Variants in ANKRD40CL observed in about 807,000 individuals in gnomAD.
ANKRD40CL encodes the protein putative ANKRD40 C-terminal-like protein.
For missense variants in ANKRD40CL, 11 were observed against 6.4 expected (o/e 1.71, Z -0.77); for synonymous variants, 5 against 2.3 (o/e 2.14, Z -1.04).
At chr17:50,766,656 A>G (rs1346994031) in intron 2 of ANKRD40CL, 3 of 479,650 alleles carry the variant, frequency 6.3e-6, no homozygotes, top group Non-Finnish European at 1.1e-5. Flanking sequence ...GAGCACCAGT[A>G]ATTGCTGGCT....
intron 1 of ANKRD40CL, 119 bp from the exon 2 acceptor site, chr17:50,767,130 C>T (rs1278799710): frequency 1.5e-6 from 1 of 681,594 alleles, no homozygotes; most frequent in Non-Finnish European, 2.7e-6. Context: ...AGGGTGAGGC[C>T]AGTGAAGGAA....
chr17:50,765,339 T>C (rs928947349), intron 2 of ANKRD40CL, among the ~76,000 whole-genome samples: 2 of 152,222 alleles, frequency 1.3e-5, no homozygotes, highest in Non-Finnish European at 2.9e-5. Flanking sequence ...TTAGTCTAGA[T>C]GAAAGGTTTT....
intron 2 of ANKRD40CL, chr17:50,764,286 G>T: frequency 5.0e-6 from 2 of 398,586 alleles, no homozygotes; most frequent in South Asian, 2.5e-4. Flanking sequence ...AGCAGTACCT[G>T]ACCAGTTGGC....
intron 1 of ANKRD40CL, chr17:50,767,215 C>G (rs1221195049): frequency 5.0e-6 from 3 of 594,122 alleles, no homozygotes; most frequent in Non-Finnish European, 9.5e-6. Context: ...GTAGTACTCA[C>G]CCGAGGGAAT....
chr17:50,765,705 A>G (rs1416387848), intron 2 of ANKRD40CL, among the ~76,000 whole-genome samples: 1 of 152,182 alleles, frequency 6.6e-6, no homozygotes, highest in African/African-American at 2.4e-5. Context: ...TGAACGCACC[A>G]ACTAGCTGGA....
chr17:50,767,373 A>G, intron 1 of ANKRD40CL, 90 bp downstream of exon 1: 1 of 337,456 alleles, frequency 3.0e-6, no homozygotes, highest in Non-Finnish European at 5.9e-6. Flanking sequence ...GTTTGAATGG[A>G]CTCCTCCTCC....
chr17:50,766,763 C>CTCCA lies in ANKRD40CL; in HGVS notation c.40+110_40+111insTGGA, dbSNP rs1971325301. The CTCCA allele has an allele frequency of 1.2e-5, 7 of 580,468 alleles. No individual in the cohort carries two copies. In the African/African-American group the frequency reaches 1.3e-4, roughly 11 times the overall value. The allele number at this position is 580,468 out of a possible 1,614,324, so 36.0% of individuals were successfully genotyped here. A position where few individuals can be genotyped will look rare whatever the true frequency, so the allele number is the denominator to read the frequency against. ...CTTCACTACCCCACTGGCAGAGTGG[C>CTCCA]GGAGGCCACAGGGCACTGCTGGCCA... On this transcript the variant is annotated intron_variant, in intron 2 of 3. Transcript: ENST00000450727.
intron 2 of ANKRD40CL, chr17:50,764,140 G>C: frequency 2.5e-6 from 1 of 398,680 alleles, no homozygotes; most frequent in Non-Finnish European, 4.4e-6. Context: ...TTTGCAACCT[G>C]GTCACATAGG....
At chr17:50,762,619 A>G (rs1278304718) in intron 3 of ANKRD40CL, among the ~76,000 whole-genome samples, 3 of 152,222 alleles carry the variant, frequency 2.0e-5, no homozygotes, top group Non-Finnish European at 4.4e-5. Context: ...TGAAAGCTTT[A>G]AAGAAAAATT....
At chr17:50,767,190 A>G in intron 1 of ANKRD40CL, 179 bp from the exon 2 acceptor site, 1 of 628,388 alleles carries the variant, frequency 1.6e-6, no homozygotes, top group South Asian at 1.5e-5. Context: ...CCCCACTGGA[A>G]GACGGTGCAG....
intron 2 of ANKRD40CL, 77 bp downstream of exon 2, chr17:50,766,797 C>T: frequency 1.6e-6 from 1 of 607,962 alleles, no homozygotes; most frequent in East Asian, 2.7e-5. Flanking sequence ...CACAGCATCA[C>T]CTGTGTCCCA....
intron 2 of ANKRD40CL, chr17:50,764,375 G>T (rs554332486): frequency 8.5e-4 from 336 of 397,098 alleles, no homozygotes; most frequent in Non-Finnish European, 1.3e-3. Flanking sequence ...CAAGGGAAAA[G>T]GCAAGTCAGG....
intron 1 of ANKRD40CL, 102 bp downstream of exon 1, chr17:50,767,361 C>T (rs779092031): frequency 4.5e-5 from 16 of 355,868 alleles, no homozygotes; most frequent in African/African-American, 8.6e-5. Context: ...CTTTGTTTCT[C>T]GGTTTGAATG....
chr17:50,767,228 T>G, intron 1 of ANKRD40CL: 1 of 566,102 alleles, frequency 1.8e-6, no homozygotes, highest in Middle Eastern at 2.7e-4. Flanking sequence ...GAGGGAATGG[T>G]GCCCTTCGGA....
At chr17:50,766,288 C>A (rs914104823) in intron 2 of ANKRD40CL, among the ~76,000 whole-genome samples, 1 of 152,168 alleles carries the variant, frequency 6.6e-6, no homozygotes, top group Non-Finnish European at 1.5e-5. Context: ...GACCTGATAT[C>A]GATACCTGAT....
At chr17:50,767,033 T>C (rs1203273316) in intron 1 of ANKRD40CL, 22 bp from the exon 2 acceptor site, 1 of 701,924 alleles carries the variant, frequency 1.4e-6, no homozygotes, top group Admixed American at 2.0e-5. Flanking sequence ...CAACAGTGTG[T>C]TCTTGCCAGC....
intron 2 of ANKRD40CL, chr17:50,766,491 T>G: frequency 4.8e-6 from 1 of 208,858 alleles, no homozygotes; most frequent in East Asian, 1.0e-4. Context: ...CTCAGGCAGA[T>G]TTGGGTCTGA....
intron 2 of ANKRD40CL, among the ~76,000 whole-genome samples, chr17:50,765,556 A>G (rs1567889555): frequency 6.6e-6 from 1 of 152,234 alleles, no homozygotes; most frequent in East Asian, 1.9e-4. Context: ...CCAGATATGG[A>G]TGTGACCAGG....
At chr17:50,763,813 C>A (rs895192208) in intron 2 of ANKRD40CL, 1 of 376,124 alleles carries the variant, frequency 2.7e-6, no homozygotes. Context: ...CAGCTTTAAG[C>A]CAGCCAAGGA....
Sources: gnomAD v4.1 joint callset for allele counts (sites outside exome capture counted in the v4.1 genomes callset) on GRCh38, gnomAD v4.1.1 for gene constraint, MANE v1.5 for transcripts, NCBI Gene and HGNC (gene_info 2026-07-23, HGNC 2026-07-21) for gene names.